Variants in HIPK2 observed in about 807,000 individuals in gnomAD.
HIPK2 encodes the protein homeodomain-interacting protein kinase 2.
HIPK2 carries 27 observed loss-of-function variants against 113.7 expected under a neutral mutation model. The ratio of observed to expected loss-of-function variants is 0.24; its 90% confidence interval spans 0.17 to 0.33. HIPK2 has a LOEUF of 0.33. HIPK2 is among the 10% of genes least tolerant of loss of function. The pLI is 1.00. For missense variants in HIPK2, 1,257 were observed against 1,588.0 expected (o/e 0.79, Z 3.54); for synonymous variants, 631 against 642.2 (o/e 0.98, Z 0.26).
chr7:139,604,090 G>C lies in HIPK2; in HGVS notation c.2246C>G (p.Ala749Gly). The change falls in exon 10 of 15, where the codon GCG becomes GGG. Residue 749 changes from alanine (A) to glycine (G), a missense_variant. This residue lies in a region of HIPK2 where 862 missense variants were observed against 1,004.3 expected (regional missense o/e 0.86). Coordinates refer to ENST00000406875, the MANE Select transcript of HIPK2 (RefSeq NM_022740.5). The stretch of plus-strand genomic sequence containing the variant: ...GGGGTTTCCTGCTTACCTCCAGTCC[G>C]CCAGCTGCTGGGTGCCTGCCATGGT... Reference protein sequence around the residue: ...PETMAGTQQLADWRNTHAHGS... With the variant: ...PETMAGTQQLGDWRNTHAHGS... 1 of 1,613,762 alleles carries C rather than the reference G, an allele frequency of 6.2e-7. No individual in the cohort carries two copies. Among genetic ancestry groups the C allele is most frequent in the Non-Finnish European group, 8.5e-7 (1 of 1,179,850 alleles).
intron 2 of HIPK2, among the ~76,000 whole-genome samples, chr7:139,635,975 G>T (rs944660401): frequency 3.3e-5 from 5 of 152,138 alleles, no homozygotes; most frequent in African/African-American, 1.2e-4. Flanking sequence ...CCACTCTCTG[G>T]AGAGAGTCAT....
intron 1 of HIPK2, among the ~76,000 whole-genome samples, chr7:139,750,986 T>C (rs7793114): frequency 0.11 from 17,326 of 152,234 alleles, 1,168 homozygotes; most frequent in Non-Finnish European, 0.16. Flanking sequence ...TCTGTAATTC[T>C]TTTTCTTCCT....
chr7:139,627,184 T>C (rs761936428), intron 5 of HIPK2, among the ~76,000 whole-genome samples: 4 of 152,184 alleles, frequency 2.6e-5, no homozygotes, highest in African/African-American at 4.8e-5. Context: ...GTTAATACTA[T>C]TGAACTGTAC....
chr7:139,686,100 C>T (rs771510288), intron 2 of HIPK2, among the ~76,000 whole-genome samples: 20 of 152,202 alleles, frequency 1.3e-4, no homozygotes, highest in Non-Finnish European at 2.5e-4. Context: ...GGAAAGACGT[C>T]AACATGTCAA....
At position 139,722,855 on chromosome 7, in the gene HIPK2, T is replaced by C. The variant is rs1795454144; in HGVS notation, c.20-5840A>G. On this transcript the variant is annotated intron_variant, in intron 1 of 14. Transcript: ENST00000406875. ...GACCCTGACCCCAGAAGTTCAAACCTAGATCTAAATTCTTTTTTTTTTTTG... is the reference window on the plus strand; with the variant it reads ...GACCCTGACCCCAGAAGTTCAAACCCAGATCTAAATTCTTTTTTTTTTTTG... 2.6e-5 allele frequency among the ~76,000 whole-genome samples: 4 copies of C among 152,060 alleles called. No homozygotes were observed. The South Asian group carries it at 8.3e-4, about 32-fold the overall frequency.
chr7:139,771,779 A>G (rs10273177), intron 1 of HIPK2, among the ~76,000 whole-genome samples: 11,178 of 152,232 alleles, frequency 0.073, 1,380 homozygotes, highest in African/African-American at 0.26. Flanking sequence ...GAAGAGAGAA[A>G]GGAGATGCTT....
chr7:139,744,136 T>C (rs1227695582), intron 1 of HIPK2, among the ~76,000 whole-genome samples: 1 of 152,172 alleles, frequency 6.6e-6, no homozygotes, highest in Non-Finnish European at 1.5e-5. Context: ...AGGAGGATTA[T>C]TCATAACAGC....
rs148228343 is a variant in HIPK2 at position 139,639,483 on chromosome 7, C to T, written c.1104-7758G>A. ...TCAAAAAGTAAACCAGACCCTGCAG[C>T]TCTTCCAGGAGTTCACCGTCTAGCC... On this transcript the variant is annotated intron_variant, in intron 2 of 14. Coordinates refer to ENST00000406875, the MANE Select transcript of HIPK2 (RefSeq NM_022740.5). Among the ~76,000 whole-genome samples the T allele has an allele frequency of 2.5e-4, 38 of 152,304 alleles. No individual in the cohort carries two copies. The Middle Eastern group carries it at 0.01, about 41-fold the overall frequency.
intron 12 of HIPK2, 71 bp downstream of exon 12, chr7:139,596,646 G>A: frequency 6.5e-7 from 1 of 1,549,632 alleles, no homozygotes; most frequent in Non-Finnish European, 8.8e-7. Context: ...GATGATGGAA[G>A]ATGGTCAGAT....
intron 2 of HIPK2, among the ~76,000 whole-genome samples, chr7:139,651,732 A>C (rs1300532929): frequency 6.6e-6 from 1 of 152,214 alleles, no homozygotes; most frequent in Admixed American, 6.5e-5. Flanking sequence ...AACAAACAAA[A>C]AAGGTTTAGC....
chr7:139,652,639 A>C (rs1489027682), intron 2 of HIPK2, among the ~76,000 whole-genome samples: 1 of 152,218 alleles, frequency 6.6e-6, no homozygotes, highest in African/African-American at 2.4e-5. Context: ...GAGAGTGAAC[A>C]AAAAAAGACA....
At chr7:139,768,553 A>C (rs188826696) in intron 1 of HIPK2, among the ~76,000 whole-genome samples, 138 of 152,200 alleles carry the variant, frequency 9.1e-4, no homozygotes, top group African/African-American at 3.3e-3. Flanking sequence ...TGTTGTTATT[A>C]AGTAGCTCAT....
rs1007551096 is a variant in HIPK2, at chr7:139,641,321, C to T, written c.1104-9596G>A. On this transcript the variant is annotated intron_variant, in intron 2 of 14. Transcript: ENST00000406875. ...TGGAGGTTGCAGTGAGCTGAGATTG[C>T]GCCACTACACTCCAGCCTGGGTGAC... 5.3e-5 allele frequency among the ~76,000 whole-genome samples: 8 copies of T among 150,142 alleles called. No homozygotes were observed. In the East Asian group the frequency reaches 9.8e-4, roughly 18 times the overall value.
chr7:139,619,377 G>A (rs962778349), intron 7 of HIPK2, among the ~76,000 whole-genome samples: 35 of 152,212 alleles, frequency 2.3e-4, no homozygotes, highest in Non-Finnish European at 1.5e-5. Flanking sequence ...TGAAAGATGG[G>A]AGTAGGAGTT....
At chr7:139,659,614 G>A (rs1406783126) in intron 2 of HIPK2, among the ~76,000 whole-genome samples, 1 of 152,234 alleles carries the variant, frequency 6.6e-6, no homozygotes, top group East Asian at 1.9e-4. Flanking sequence ...CTCTGCAGTA[G>A]GCATTCAGTT....
chr7:139,652,289 C>T (rs929187494), intron 2 of HIPK2, among the ~76,000 whole-genome samples: 10 of 152,264 alleles, frequency 6.6e-5, no homozygotes, highest in South Asian at 6.2e-4. Flanking sequence ...TTGCATAAGA[C>T]GCTGCTCACG....
intron 6 of HIPK2, among the ~76,000 whole-genome samples, chr7:139,624,881 T>C (rs1164691645): frequency 6.6e-6 from 1 of 152,168 alleles, no homozygotes; most frequent in Non-Finnish European, 1.5e-5. Context: ...CTATAAACGA[T>C]TCATGTCGAA....
chr7:139,700,687 T>A (rs1794683241), intron 2 of HIPK2, among the ~76,000 whole-genome samples: 1 of 152,230 alleles, frequency 6.6e-6, no homozygotes, highest in South Asian at 2.1e-4. Context: ...AGAATTCCCC[T>A]CTTGGTCCAT....
chr7:139,634,229 G>A (rs1310342684), intron 2 of HIPK2, among the ~76,000 whole-genome samples: 4 of 152,116 alleles, frequency 2.6e-5, no homozygotes, highest in Non-Finnish European at 5.9e-5. Flanking sequence ...AGGAGTGACC[G>A]CTGGGGGCTG....
Sources: gnomAD v4.1 joint callset for allele counts (sites outside exome capture counted in the v4.1 genomes callset) on GRCh38, gnomAD v4.1.1 for gene constraint, gnomAD v4.1.1 regional missense constraint, MANE v1.5 for transcripts, NCBI Gene and HGNC (gene_info 2026-07-23, HGNC 2026-07-21) for gene names.